Variants in POU6F1 observed in about 807,000 individuals in gnomAD.
POU6F1 encodes POU domain, class 6, transcription factor 1.
POU6F1 carries 9 observed loss-of-function variants against 28.9 expected under a neutral mutation model. The ratio of observed to expected loss-of-function variants is 0.31; its 90% CI spans 0.19 to 0.54. The LOEUF (loss-of-function observed/expected upper bound fraction) is 0.54. Ranked by LOEUF, POU6F1 falls within the 20% of genes least tolerant of loss-of-function variation. The pLI, the probability that POU6F1 is intolerant of heterozygous loss-of-function variation, is 0.94. For synonymous variants in POU6F1, 173 were observed against 171.1 expected, an observed-to-expected ratio of 1.01 and a Z score of -0.09; for missense variants, 338 against 426.1, an observed-to-expected ratio of 0.79 and a Z score of 1.82.
In POU6F1 at chr12:51,196,181, GA is replaced by G; in HGVS notation, c.976-9del. On this transcript the variant is annotated splice_polypyrimidine_tract_variant and intron_variant, in intron 7 of 10. Transcript: ENST00000333640. ...TGGAAGGGTTCCAATAACCTGGGAG[GA>G]AATAAGGCAGGGACCCCAGGTGTGA... The G allele has an allele frequency of 6.7e-7, 1 of 1,498,302 alleles. No individual in the cohort carries two copies. Among genetic ancestry groups the G allele is most frequent in the Non-Finnish European group, 8.9e-7 (1 of 1,126,424 alleles). The allele number at this position is 1,498,302 out of a possible 1,614,324, so 92.8% of individuals were successfully genotyped here. A position where few individuals can be genotyped will look rare whatever the true frequency, so the allele number is the denominator to read the frequency against.
chr12:51,213,336 T>G (rs1313621216), intron 1 of POU6F1, among the ~76,000 whole-genome samples: 1 of 152,172 alleles, frequency 6.6e-6, no homozygotes, highest in Admixed American at 6.5e-5. Context: ...AAAATGGAAC[T>G]TGTATGGGAT....
chr12:51,198,203 C>G (rs933419235), intron 5 of POU6F1, 180 bp from the exon 6 acceptor site: 24 of 397,450 alleles, frequency 6.0e-5, no homozygotes, highest in South Asian at 1.4e-4. Flanking sequence ...TCTTATCCCC[C>G]CTCCCTGGGG....
intron 8 of POU6F1, among the ~76,000 whole-genome samples, chr12:51,192,873 C>G (rs1173739249): frequency 6.6e-6 from 1 of 151,744 alleles, no homozygotes; most frequent in East Asian, 1.9e-4. Context: ...CCACTGCACT[C>G]CAGACTGGGC....
rs1027702826 is a variant in POU6F1 at position 51,189,316 on chromosome 12, A to C, written c.*931T>G. 2 of 152,156 alleles carry C rather than the reference A, an allele frequency of 1.3e-5. No individual in the cohort carries two copies. Among genetic ancestry groups the C allele is most frequent in the Non-Finnish European group, 2.9e-5 (2 of 68,046 alleles). The allele number at this position is 152,156 out of a possible 1,614,324, so 9.4% of individuals were successfully genotyped here. Reference sequence around the variant, plus strand: ...ATGGGTGTGGGGACAAGAGAAAGAAAGAGAAAGTCAGCATTCCTTTCCTTA... The same window carrying C: ...ATGGGTGTGGGGACAAGAGAAAGAACGAGAAAGTCAGCATTCCTTTCCTTA... On this transcript the variant is annotated 3_prime_UTR_variant, in exon 11 of 11. Transcript: ENST00000333640.
At chr12:51,196,966 G>A in intron 6 of POU6F1, 39 bp from the exon 7 acceptor site, 2 of 1,291,358 alleles carry the variant, frequency 1.5e-6, no homozygotes, top group South Asian at 1.3e-5. Context: ...AAGCCAAGGG[G>A]TGAGAAGAAC....
chr12:51,203,368 C>T (rs897239462), intron 3 of POU6F1, among the ~76,000 whole-genome samples: 2 of 152,154 alleles, frequency 1.3e-5, no homozygotes, highest in Non-Finnish European at 2.9e-5. Flanking sequence ...ATGCAGGGTC[C>T]TTGTCTTCCC....
chr12:51,198,172 G>C (rs1413139644), intron 5 of POU6F1, 149 bp from the exon 6 acceptor site: 1 of 397,672 alleles, frequency 2.5e-6, no homozygotes, highest in Non-Finnish European at 4.4e-6. Flanking sequence ...GATCCTTGAA[G>C]GGCTGGCGCA....
At position 51,217,821 on chromosome 12, in the gene POU6F1, C is replaced by CCCGCCG. The variant is rs1349581403; in HGVS notation, c.-233_-228dup. 6 of 151,860 alleles carry CCCGCCG rather than the reference C, an allele frequency of 4.0e-5. No individual in the cohort carries two copies. The East Asian group carries it at 1.2e-3, about 30-fold the overall frequency. 9.4% of individuals were successfully genotyped at this position (151,860 alleles called of 1,614,324 possible). ...GGCTCGGCCCGGGAGCTGGTCGGGA[C>CCCGCCG]CCGCCGCCGCCCCCAGGCCCCCAGC... is the stretch of plus-strand genomic sequence containing the variant. On this transcript the variant is annotated 5_prime_UTR_variant, in exon 1 of 11. Transcript: ENST00000333640. This position sits in a 1 kb window ranked among gnomAD's most constrained non-coding sequence, Gnocchi z 5.3.
chr12:51,216,298 G>A (rs950074068), intron 1 of POU6F1, among the ~76,000 whole-genome samples: 1 of 152,208 alleles, frequency 6.6e-6, no homozygotes, highest in South Asian at 2.1e-4. Context: ...AAACCTTACA[G>A]GAGCAAATTT....
chr12:51,214,006 G>A (rs914064516), intron 1 of POU6F1, among the ~76,000 whole-genome samples: 4 of 151,810 alleles, frequency 2.6e-5, no homozygotes, highest in Non-Finnish European at 4.4e-5. Context: ...AGCTGGGTGT[G>A]GTGGCGGGTG....
intron 3 of POU6F1, 149 bp downstream of exon 3, chr12:51,204,024 C>G: frequency 7.5e-6 from 3 of 397,464 alleles, no homozygotes; most frequent in Non-Finnish European, 1.3e-5. Flanking sequence ...GCCCTCGCAG[C>G]TGACCAGAGG....
chr12:51,215,455 C>T (rs1432572684), intron 1 of POU6F1, among the ~76,000 whole-genome samples: 2 of 147,326 alleles, frequency 1.4e-5, no homozygotes, highest in African/African-American at 2.5e-5. Flanking sequence ...GTTGGGAGGC[C>T]GAGGTGGGAG....
In POU6F1 at chr12:51,196,781, C is replaced by T; in HGVS notation, c.975+18G>A. ...TCTCCACAGTCCCCACCCTCCAGCC[C>T]TGTCTTTGGCCACTTGCCTGTCCCT... is the stretch of plus-strand genomic sequence containing the variant. On this transcript the variant is annotated intron_variant, in intron 7 of 10. Coordinates refer to ENST00000333640, the MANE Select transcript of POU6F1 (RefSeq NM_001330422.2). 1 of 1,613,700 alleles carries T rather than the reference C, an allele frequency of 6.2e-7. No homozygotes were observed. Among genetic ancestry groups the T allele is most frequent in the Non-Finnish European group, 8.5e-7 (1 of 1,179,812 alleles).
At chr12:51,201,414 C>T (rs1374449635) in intron 3 of POU6F1, among the ~76,000 whole-genome samples, 7 of 151,972 alleles carry the variant, frequency 4.6e-5, no homozygotes, top group African/African-American at 7.3e-5. Context: ...CAGTAGCCCA[C>T]GCCTGTAATC....
Position 51,217,972 on chromosome 12 carries a change from C to T in POU6F1, c.-378G>A, listed in dbSNP as rs1369742963. ...TATATATTTTTCTTCGTTCCCCCTT[C>T]CACGACCCCCCCCTTTTCCCTCCCC... On this transcript the variant is annotated 5_prime_UTR_variant, in exon 1 of 11. Coordinates refer to ENST00000333640, the MANE Select transcript of POU6F1 (RefSeq NM_001330422.2). The surrounding 1 kb of genome is among the most constrained non-coding windows in gnomAD (Gnocchi z 5.3). Among the ~76,000 whole-genome samples the T allele has an allele frequency of 2.0e-5, 3 of 151,724 alleles. No homozygotes were observed. The highest frequency in any genetic ancestry group is 6.5e-5 in the Admixed American group (1 of 15,270).
At chr12:51,198,300 G>A (rs915682133) in intron 5 of POU6F1, 9 of 396,014 alleles carry the variant, frequency 2.3e-5, no homozygotes, top group Non-Finnish European at 3.6e-5. Context: ...GTTCTGGCGT[G>A]GGGGGAGAGG....
Position 51,190,637 on chromosome 12 carries a change from G to T in POU6F1, c.1491-45C>A. ...AGGAAGAGGCAGTGAGAGCATGTTG[G>T]TCTCTTTGGCACACCCCGCACCTAG... On this transcript the variant is annotated intron_variant, in intron 10 of 10. Coordinates refer to ENST00000333640, the MANE Select transcript of POU6F1 (RefSeq NM_001330422.2). The surrounding 1 kb of genome is among the most constrained non-coding windows in gnomAD (Gnocchi z 4.5). 6.3e-7 allele frequency: 1 copy of T among 1,592,980 alleles called. No individual in the cohort carries two copies. Among genetic ancestry groups the T allele is most frequent in the Non-Finnish European group, 8.5e-7 (1 of 1,169,904 alleles).
chr12:51,217,600 C>G lies in POU6F1; in HGVS notation c.-48+42G>C, dbSNP rs867232625. ...AACCTCCCCTGCCCGGCCCCCTCCC[C>G]CTCCGTGCAAACCCCTCCCCGCCCC... is the stretch of plus-strand genomic sequence containing the variant. On this transcript the variant is annotated intron_variant, in intron 1 of 10. Transcript: ENST00000333640. The surrounding 1 kb of genome is among the most constrained non-coding windows in gnomAD (Gnocchi z 5.3). 93 of 152,194 alleles carry G rather than the reference C, an allele frequency of 6.1e-4. No individual in the cohort carries two copies. The highest frequency in any genetic ancestry group is 9.3e-4 in the Non-Finnish European group (63 of 67,998). 9.4% of individuals were successfully genotyped at this position (152,194 alleles called of 1,614,324 possible).
At chr12:51,197,503 G>A (rs146608515) in intron 6 of POU6F1, among the ~76,000 whole-genome samples, 37 of 152,252 alleles carry the variant, frequency 2.4e-4, no homozygotes, top group African/African-American at 7.7e-4. Flanking sequence ...ACCCCCAGAC[G>A]TCATCCCACC....
Sources: allele counts gnomAD v4.1 joint callset (sites outside exome capture counted in the v4.1 genomes callset), GRCh38; gene constraint gnomAD v4.1.1; non-coding constraint Gnocchi (gnomAD v3.1); transcripts MANE v1.5; gene names NCBI Gene and HGNC (gene_info 2026-07-23, HGNC 2026-07-21).